Variants in CFAP20DC observed in about 807,000 individuals in gnomAD.
CFAP20DC encodes protein CFAP20DC.
CFAP20DC carries 84 observed loss-of-function variants against 101.7 expected under a neutral mutation model. The ratio of observed to expected loss-of-function variants is 0.83; its 90% confidence interval spans 0.69 to 0.99. The LOEUF is 0.99. Among genes scored for constraint, CFAP20DC ranks in the 50% least tolerant of loss-of-function variants. The pLI, the probability that CFAP20DC is intolerant of heterozygous loss-of-function variation, is 0.00. For missense variants in CFAP20DC, 1,007 were observed against 970.3 expected (o/e 1.04, Z -0.50); for synonymous variants, 359 against 351.2 (o/e 1.02, Z -0.25).
intron 1 of CFAP20DC, among the ~76,000 whole-genome samples, chr3:59,048,538 G>C (rs1700049156): frequency 6.6e-6 from 1 of 152,100 alleles, no homozygotes; most frequent in Non-Finnish European, 1.5e-5. Context: ...TGTCCTCCAA[G>C]TTTCCTGTAG....
At chr3:59,004,851 T>C (rs572338773) in intron 4 of CFAP20DC, among the ~76,000 whole-genome samples, 1 of 152,320 alleles carries the variant, frequency 6.6e-6, no homozygotes, top group South Asian at 2.1e-4. Context: ...CATTAGTGGA[T>C]ACCAACCACA....
Position 58,811,891 on chromosome 3 carries a change from C to T in CFAP20DC, c.2176-5435G>A, listed in dbSNP as rs755184090. On this transcript the variant is annotated intron_variant, in intron 14 of 16. Coordinates refer to ENST00000482387, the MANE Select transcript of CFAP20DC (RefSeq NM_001394063.1). The stretch of plus-strand genomic sequence containing the variant: ...AGAAACGACCCCATCAAAAAGTGGG[C>T]GAAGGACATGAACAGACACTTCTCA... 2.3e-4 allele frequency among the ~76,000 whole-genome samples: 35 copies of T among 152,126 alleles called. 1 individual carries two copies. Among genetic ancestry groups the T allele is most frequent in the African/African-American group, 6.0e-4 (25 of 41,524 alleles).
chr3:58,900,450 T>C (rs1432199441), intron 6 of CFAP20DC, among the ~76,000 whole-genome samples: 2 of 152,184 alleles, frequency 1.3e-5, no homozygotes, highest in Non-Finnish European at 2.9e-5. Flanking sequence ...TTCTCCCAGA[T>C]GGCAAATAAC....
intron 15 of CFAP20DC, among the ~76,000 whole-genome samples, chr3:58,789,071 A>T (rs963246687): frequency 2.6e-5 from 4 of 152,166 alleles, no homozygotes; most frequent in Non-Finnish European, 4.4e-5. Context: ...CTCACCACAC[A>T]GTAATAGCAT....
rs537211568 is a variant in CFAP20DC at position 58,982,564 on chromosome 3, G to T, written c.279-44802C>A. On this transcript the variant is annotated intron_variant, in intron 4 of 16. Transcript: ENST00000482387. ...AGTTCATGTCCTTTGTAGGGACATG[G>T]ATGAAACTGGAAACCATTATTCTAA... Among the ~76,000 whole-genome samples, 1,021 of 151,996 alleles carry T rather than the reference G, an allele frequency of 6.7e-3. 5 individuals carry two copies. The highest frequency in any genetic ancestry group is 0.011 in the Non-Finnish European group (727 of 67,966).
At chr3:58,911,156 C>G (rs996991742) in intron 6 of CFAP20DC, among the ~76,000 whole-genome samples, 3 of 152,024 alleles carry the variant, frequency 2.0e-5, no homozygotes, top group Admixed American at 6.6e-5. Flanking sequence ...GAGATAAATG[C>G]CTACATGAAT....
intron 14 of CFAP20DC, among the ~76,000 whole-genome samples, chr3:58,808,892 A>T (rs1028331479): frequency 2.0e-5 from 3 of 152,236 alleles, no homozygotes; most frequent in Non-Finnish European, 4.4e-5. Context: ...AACGGAAAAC[A>T]AAAAAAGGCA....
intron 4 of CFAP20DC, among the ~76,000 whole-genome samples, chr3:58,982,353 A>G (rs2092586914): frequency 6.6e-6 from 1 of 152,182 alleles, no homozygotes; most frequent in East Asian, 1.9e-4. Context: ...CAGCCATCCC[A>G]TTACTGGGTA....
Position 58,869,597 on chromosome 3 carries a change from A to T in CFAP20DC, c.853-107T>A. The T allele has an allele frequency of 2.5e-6, 2 of 798,396 alleles. No homozygotes were observed. Among genetic ancestry groups the T allele is most frequent in the Non-Finnish European group, 3.7e-6 (2 of 541,436 alleles). The allele number at this position is 798,396 out of a possible 1,614,324, so 49.5% of individuals were successfully genotyped here. On this transcript the variant is annotated intron_variant, in intron 8 of 16. Coordinates refer to ENST00000482387, the MANE Select transcript of CFAP20DC (RefSeq NM_001394063.1). This position sits in a 1 kb window ranked among gnomAD's most constrained non-coding sequence, Gnocchi z 4.3. Reference sequence around the variant, plus strand: ...TTGGACCAATGAAGAGTGAGAAAAAAACTAGAGGAAATGAGGTTAAGATGT... The same window carrying T: ...TTGGACCAATGAAGAGTGAGAAAAATACTAGAGGAAATGAGGTTAAGATGT...
At chr3:58,986,842 A>G (rs1357441945) in intron 4 of CFAP20DC, among the ~76,000 whole-genome samples, 1 of 152,188 alleles carries the variant, frequency 6.6e-6, no homozygotes, top group Non-Finnish European at 1.5e-5. Flanking sequence ...GTCACATTCC[A>G]AAGTTACTAA....
At position 58,753,789 on chromosome 3, in the gene CFAP20DC, C is replaced by T. The variant is rs921853101; in HGVS notation, c.2312G>A (p.Cys771Tyr). 1.9e-6 allele frequency: 3 copies of T among 1,612,168 alleles called. No individual in the cohort carries two copies. Among genetic ancestry groups the T allele is most frequent in the Non-Finnish European group, 1.7e-6 (2 of 1,178,946 alleles). The change falls in exon 16 of 17, where the codon TGT (cysteine) becomes TAT (tyrosine). Residue 771 changes from cysteine (C) to tyrosine (Y), a missense_variant. Cys to Tyr is a radical substitution (Grantham distance 194). Transcript: ENST00000482387. Reference protein sequence around the residue: ...QQPAEQRPDSCESLSVQGEED... With the variant: ...QQPAEQRPDSYESLSVQGEED... Reference sequence around the variant, plus strand: ...CCCACCTTGAACACTCAAACTTTCACAGGAATCTGGACGCTGCTCAGCCGG... The same window carrying T: ...CCCACCTTGAACACTCAAACTTTCATAGGAATCTGGACGCTGCTCAGCCGG...
chr3:59,037,326 T>C (rs566931039), intron 4 of CFAP20DC, among the ~76,000 whole-genome samples: 6 of 151,508 alleles, frequency 4.0e-5, no homozygotes, highest in Non-Finnish European at 5.9e-5. Context: ...AAAGAAACTA[T>C]CATCAGAGTG....
At chr3:58,846,650 A>G (rs1293969713) in intron 13 of CFAP20DC, among the ~76,000 whole-genome samples, 1 of 151,668 alleles carries the variant, frequency 6.6e-6, no homozygotes, top group East Asian at 1.9e-4. Flanking sequence ...TCTTCACAGA[A>G]TTGGAAAAAA....
At chr3:58,793,599 T>C (rs558814532) in intron 15 of CFAP20DC, among the ~76,000 whole-genome samples, 1 of 152,278 alleles carries the variant, frequency 6.6e-6, no homozygotes, top group African/African-American at 2.4e-5. Flanking sequence ...CTGATCATAA[T>C]GTAATTTTCT....
intron 1 of CFAP20DC, among the ~76,000 whole-genome samples, chr3:59,047,526 T>C (rs1352043237): frequency 1.3e-5 from 2 of 152,156 alleles, no homozygotes; most frequent in African/African-American, 2.4e-5. Flanking sequence ...AGTATCTCAG[T>C]GGGGGACTCG....
intron 14 of CFAP20DC, among the ~76,000 whole-genome samples, chr3:58,807,122 G>A (rs1419651268): frequency 6.6e-6 from 1 of 152,188 alleles, no homozygotes; most frequent in Non-Finnish European, 1.5e-5. Context: ...GCCTCTGTAG[G>A]CTCCACCTCT....
chr3:58,872,526 G>T (rs9846560), intron 7 of CFAP20DC, among the ~76,000 whole-genome samples: 1,551 of 152,242 alleles, frequency 0.01, 18 homozygotes, highest in African/African-American at 0.031. Context: ...TGAAGATAAA[G>T]GCAAGGGCTA....
chr3:58,888,733 G>C (rs1006583085), intron 6 of CFAP20DC, among the ~76,000 whole-genome samples: 1 of 152,170 alleles, frequency 6.6e-6, no homozygotes, highest in Non-Finnish European at 1.5e-5. Flanking sequence ...GACAAGATCT[G>C]GTTCCATGTC....
chr3:58,874,045 T>C lies in CFAP20DC; in HGVS notation c.716-3736A>G, dbSNP rs2080521375. The stretch of plus-strand genomic sequence containing the variant: ...CAGATTCAGACATCAGGTGACTCCT[T>C]AATTTATATCTCTTAGCCTTGTCCT... On this transcript the variant is annotated intron_variant, in intron 7 of 16. Transcript: ENST00000482387. The surrounding 1 kb of genome is among the most constrained non-coding windows in gnomAD (Gnocchi z 5.1). Among the ~76,000 whole-genome samples, 1 of 152,258 alleles carries C rather than the reference T, an allele frequency of 6.6e-6. No homozygotes were observed. Among genetic ancestry groups the C allele is most frequent in the Non-Finnish European group, 1.5e-5 (1 of 68,048 alleles).
Sources: gnomAD v4.1 joint callset for allele counts (sites outside exome capture counted in the v4.1 genomes callset) on GRCh38, gnomAD v4.1.1 for gene constraint, Gnocchi (gnomAD v3.1) non-coding constraint, MANE v1.5 for transcripts, NCBI Gene and HGNC (gene_info 2026-07-23, HGNC 2026-07-21) for gene names.